Variants in FAM53B observed in about 807,000 individuals in gnomAD.
FAM53B encodes family with sequence similarity 53 member B.
In FAM53B, 12 loss-of-function variants were observed where a neutral mutation model predicts 32.7. The ratio of observed to expected loss-of-function variants is 0.37; its 90% CI spans 0.24 to 0.59. FAM53B has a LOEUF of 0.59. FAM53B is among the 20% of genes least tolerant of loss of function. The pLI is 0.72. For missense variants in FAM53B, 477 were observed against 577.7 expected, an observed-to-expected ratio of 0.83 and a Z score of 1.79; for synonymous variants, 234 against 228.7, an observed-to-expected ratio of 1.02 and a Z score of -0.21.
intron 2 of FAM53B, among the ~76,000 whole-genome samples, chr10:124,699,192 G>A (rs181859484): frequency 9.5e-4 from 144 of 152,318 alleles, no homozygotes; most frequent in Non-Finnish European, 1.6e-3. Flanking sequence ...CCATGGGAAC[G>A]GAAGCTTCTT....
chr10:124,737,901 G>A (rs1297793117), intron 1 of FAM53B, among the ~76,000 whole-genome samples: 4 of 152,216 alleles, frequency 2.6e-5, no homozygotes, highest in East Asian at 1.9e-4. Flanking sequence ...CACTAGGACT[G>A]TGGGGAGGCA....
chr10:124,738,727 T>G (rs1231831665), intron 1 of FAM53B, among the ~76,000 whole-genome samples: 1 of 152,130 alleles, frequency 6.6e-6, no homozygotes, highest in Admixed American at 6.5e-5. Context: ...AAACAAAATA[T>G]GATATTGTAC....
intron 4 of FAM53B, among the ~76,000 whole-genome samples, chr10:124,672,763 G>A (rs1308785582): frequency 6.6e-6 from 1 of 152,204 alleles, no homozygotes; most frequent in Non-Finnish European, 1.5e-5. Context: ...GAAAGGGTAA[G>A]GAATGGGGCC....
rs1056530524 is a variant in FAM53B, at chr10:124,706,567, C to T, written c.78+69G>A. ...GATTTGCTAAGCTTAGGTGCTCAGTCCACAGCCCTGTCTGTACATCAGGCC... is the reference window on the plus strand; with the variant it reads ...GATTTGCTAAGCTTAGGTGCTCAGTTCACAGCCCTGTCTGTACATCAGGCC... On this transcript the variant is annotated intron_variant, in intron 2 of 4. Transcript: ENST00000337318. 34 of 1,600,486 alleles carry T rather than the reference C, an allele frequency of 2.1e-5. 1 individual carries two copies. Among genetic ancestry groups the T allele is most frequent in the Middle Eastern group, 1.6e-4 (1 of 6,066 alleles).
intron 4 of FAM53B, among the ~76,000 whole-genome samples, chr10:124,641,445 C>T (rs538693025): frequency 4.6e-5 from 7 of 152,348 alleles, no homozygotes; most frequent in Admixed American, 2.6e-4. Flanking sequence ...CAACTCTGTC[C>T]TGGCACCAAC....
intron 4 of FAM53B, among the ~76,000 whole-genome samples, chr10:124,669,531 A>C (rs1949694115): frequency 6.6e-6 from 1 of 152,216 alleles, no homozygotes; most frequent in African/African-American, 2.4e-5. Flanking sequence ...TGTGGTAAGT[A>C]ACAGCCACAC....
At chr10:124,635,012 CTCATA>C (rs1445505573) in intron 4 of FAM53B, among the ~76,000 whole-genome samples, 3 of 152,192 alleles carry the variant, frequency 2.0e-5, no homozygotes, top group Non-Finnish European at 4.4e-5. Flanking sequence ...ATATTTGTAA[CTCATA>C]TCACAGGCAA....
intron 1 of FAM53B, among the ~76,000 whole-genome samples, chr10:124,738,111 AGC>A (rs1950182368): frequency 6.6e-6 from 1 of 152,086 alleles, no homozygotes; most frequent in African/African-American, 2.4e-5. Flanking sequence ...GAGCAGCAGC[AGC>A]AGCAGCAGCA....
Position 124,622,829 on chromosome 10 carries a change from T to G in FAM53B, c.*413A>C, listed in dbSNP as rs900947206. The G allele has an allele frequency of 5.9e-6, 1 of 169,520 alleles. No homozygotes were observed. Among genetic ancestry groups the G allele is most frequent in the Admixed American group, 6.0e-5 (1 of 16,552 alleles). 10.5% of individuals were successfully genotyped at this position (169,520 alleles called of 1,614,324 possible). A position where few individuals can be genotyped will look rare whatever the true frequency, so the allele number is the denominator to read the frequency against. ...AGTGAGGCCAAGAAGGGCCCTGACA[T>G]AGCAGATGGCCCCTGGCCCCCACCC... On this transcript the variant is annotated 3_prime_UTR_variant, in exon 5 of 5. Transcript: ENST00000337318.
At chr10:124,708,656 G>A (rs992719557) in intron 1 of FAM53B, among the ~76,000 whole-genome samples, 10 of 152,266 alleles carry the variant, frequency 6.6e-5, no homozygotes, top group Admixed American at 6.5e-4. Flanking sequence ...AGGTGCTCCT[G>A]GACTCGCCTT....
intron 4 of FAM53B, among the ~76,000 whole-genome samples, chr10:124,652,033 G>A (rs769747714): frequency 1.3e-5 from 2 of 152,208 alleles, no homozygotes; most frequent in Non-Finnish European, 2.9e-5. Flanking sequence ...CATACCTGGA[G>A]AATTTCAAAG....
chr10:124,655,894 A>T (rs1201461599), intron 4 of FAM53B, among the ~76,000 whole-genome samples: 1 of 152,218 alleles, frequency 6.6e-6, no homozygotes, highest in Non-Finnish European at 1.5e-5. Context: ...GCTGCCAGAG[A>T]GAAGGGCCCA....
At chr10:124,663,201 A>G (rs1396738763) in intron 4 of FAM53B, among the ~76,000 whole-genome samples, 1 of 152,192 alleles carries the variant, frequency 6.6e-6, no homozygotes, top group Non-Finnish European at 1.5e-5. Context: ...ACACACACAT[A>G]AAGTGCAAGC....
intron 3 of FAM53B, among the ~76,000 whole-genome samples, chr10:124,694,112 ACGGC>A (rs1949852768): frequency 1.3e-5 from 2 of 152,170 alleles, no homozygotes; most frequent in African/African-American, 4.8e-5. Flanking sequence ...CACCAGTACA[ACGGC>A]TCCCCGCTTC....
At chr10:124,691,836 C>T (rs571673198) in intron 3 of FAM53B, among the ~76,000 whole-genome samples, 24 of 152,326 alleles carry the variant, frequency 1.6e-4, no homozygotes, top group Admixed American at 4.6e-4. Flanking sequence ...AGAGTCCACG[C>T]GTGGCCCCGC....
At chr10:124,710,347 A>G (rs1949992644) in intron 1 of FAM53B, among the ~76,000 whole-genome samples, 1 of 152,220 alleles carries the variant, frequency 6.6e-6, no homozygotes, top group Non-Finnish European at 1.5e-5. Context: ...AGCTCAATAC[A>G]CATTTCCAGA....
intron 4 of FAM53B, among the ~76,000 whole-genome samples, chr10:124,679,666 G>A (rs546558284): frequency 1.8e-4 from 28 of 152,198 alleles, no homozygotes; most frequent in Admixed American, 3.3e-4. Flanking sequence ...CTTTCCCTGT[G>A]CCCGAGACCC....
intron 4 of FAM53B, among the ~76,000 whole-genome samples, chr10:124,640,899 C>G (rs897662922): frequency 6.6e-6 from 1 of 152,184 alleles, no homozygotes; most frequent in African/African-American, 2.4e-5. Context: ...CGGCAAAGGC[C>G]GCAGAGGGCA....
chr10:124,633,793 G>C (rs2134040053), intron 4 of FAM53B, among the ~76,000 whole-genome samples: 1 of 152,024 alleles, frequency 6.6e-6, no homozygotes, highest in East Asian at 1.9e-4. Context: ...ACTCAACACA[G>C]ACCAAAGAGT....
Sources: gnomAD v4.1 joint callset for allele counts (sites outside exome capture counted in the v4.1 genomes callset) on GRCh38, gnomAD v4.1.1 for gene constraint, MANE v1.5 for transcripts, NCBI Gene and HGNC (gene_info 2026-07-23, HGNC 2026-07-21) for gene names.